SLC12A6: variants seen among roughly 807,000 people sequenced by gnomAD.
SLC12A6 encodes solute carrier family 12 member 6.
A neutral mutation model predicts 135.3 loss-of-function variants in SLC12A6; 66 were observed. That is an observed-to-expected ratio of 0.49 (90% CI 0.40 to 0.60). SLC12A6 has a LOEUF of 0.60. Ranked by LOEUF, SLC12A6 falls within the 20% of genes least tolerant of loss-of-function variation. The pLI is 0.00. For synonymous variants in SLC12A6, 513 were observed against 508.8 expected (o/e 1.01, Z -0.11); for missense variants, 1,058 against 1,452.3 (o/e 0.73, Z 4.41).
chr15:34,304,634 A>AC (rs1896477751), intron 2 of SLC12A6, among the ~76,000 whole-genome samples: 1 of 152,186 alleles, frequency 6.6e-6, no homozygotes, highest in Admixed American at 6.5e-5. Flanking sequence ...TTCTTTAATA[A>AC]CTAATGATGT....
rs760479313 is a variant in SLC12A6 at position 34,257,787 on chromosome 15, G to A, written c.545C>T (p.Thr182Ile). ...ACCCATGAAGGTACCCATTTGGGGG[G>A]TCTAGAAAGAAAGACATTGATAAAA... ...ITEGKKKPTK[T>I]PQMGTFMGVY... is the part of the protein sequence containing the mutation. The change falls in exon 6 of 26, where the codon ACC becomes ATC. Residue 182 changes from threonine to isoleucine, a missense_variant and splice_region_variant. Physicochemically the swap from Thr to Ile is moderately conservative, Grantham distance 89 (BLOSUM62 -1). Transcript: ENST00000354181. 4 of 1,600,624 alleles carry A rather than the reference G, an allele frequency of 2.5e-6. No homozygotes were observed. In the Admixed American group the frequency reaches 5.0e-5, roughly 20 times the overall value.
At chr15:34,326,971 C>T (rs1889510673) in intron 2 of SLC12A6, among the ~76,000 whole-genome samples, 1 of 143,870 alleles carries the variant, frequency 7.0e-6, no homozygotes, top group South Asian at 2.2e-4. Context: ...TATTAGCATA[C>T]CAGAGAAAAT....
At chr15:34,305,759 ATTTT>A (rs1161853179) in intron 2 of SLC12A6, among the ~76,000 whole-genome samples, 2 of 139,338 alleles carry the variant, frequency 1.4e-5, no homozygotes, top group Non-Finnish European at 1.6e-5. Context: ...CTCCTCCAGC[ATTTT>A]TTTTTTTTTT....
At chr15:34,251,719 T>G (rs986226612) in intron 10 of SLC12A6, among the ~76,000 whole-genome samples, 1 of 152,224 alleles carries the variant, frequency 6.6e-6, no homozygotes, top group African/African-American at 2.4e-5. Context: ...AACACCTTAA[T>G]GTAAACTTAC....
chr15:34,272,594 G>C (rs948171122), intron 3 of SLC12A6, among the ~76,000 whole-genome samples: 16 of 152,198 alleles, frequency 1.1e-4, no homozygotes, highest in African/African-American at 3.1e-4. Context: ...GCTAAAAATT[G>C]AATGCAACTG....
chr15:34,315,766 A>G (rs1888601818), intron 2 of SLC12A6, among the ~76,000 whole-genome samples: 1 of 152,072 alleles, frequency 6.6e-6, no homozygotes, highest in Non-Finnish European at 1.5e-5. Flanking sequence ...CGGGCGGATC[A>G]CGAAGTCAGG....
intron 2 of SLC12A6, among the ~76,000 whole-genome samples, chr15:34,326,858 C>CTTTTTTTTTTTTTTTTTTTTTTTTTTTTT (rs397963192): frequency 1.4e-5 from 1 of 72,182 alleles, no homozygotes; most frequent in Non-Finnish European, 2.3e-5. Flanking sequence ...CAACTGGCTG[C>CTTTTTTTTTTTTTTTTTTTTTTTTTTTTT]TTTTTTTTTT....
At chr15:34,334,178 G>T (rs1013632539) in intron 2 of SLC12A6, among the ~76,000 whole-genome samples, 2 of 152,072 alleles carry the variant, frequency 1.3e-5, no homozygotes, top group Admixed American at 6.6e-5. Context: ...TTTCTCTACA[G>T]GAAGAAACGT....
chr15:34,261,056 C>G (rs374343488), intron 3 of SLC12A6, 36 bp from the exon 4 acceptor site: 1 of 1,085,362 alleles, frequency 9.2e-7, no homozygotes, highest in Non-Finnish European at 1.4e-6. Flanking sequence ...TAGTTTCTCA[C>G]TGGTTTCTGA....
At chr15:34,288,979 T>C (rs946126659) in intron 2 of SLC12A6, among the ~76,000 whole-genome samples, 22 of 152,174 alleles carry the variant, frequency 1.4e-4, no homozygotes, top group African/African-American at 4.6e-4. Context: ...CCCTTATTGC[T>C]TTCTCTTGCC....
chr15:34,334,569 G>GA, intron 2 of SLC12A6, among the ~76,000 whole-genome samples: 1 of 149,624 alleles, frequency 6.7e-6, no homozygotes, highest in South Asian at 2.1e-4. Context: ...AATATAGAAA[G>GA]AAAAAAAAAG....
intron 2 of SLC12A6, among the ~76,000 whole-genome samples, chr15:34,334,854 T>A (rs1339461295): frequency 1.3e-5 from 2 of 152,154 alleles, no homozygotes; most frequent in African/African-American, 2.4e-5. Context: ...AAAGAATGCT[T>A]AAGGGTAACG....
chr15:34,236,252 C>A, intron 23 of SLC12A6, 53 bp from the exon 24 acceptor site: 1 of 1,361,632 alleles, frequency 7.3e-7, no homozygotes. Context: ...TCTTATGCTT[C>A]ATCTTTGGTT....
intron 13 of SLC12A6, among the ~76,000 whole-genome samples, chr15:34,247,160 G>T (rs1411867459): frequency 6.6e-6 from 1 of 152,082 alleles, no homozygotes; most frequent in Non-Finnish European, 1.5e-5. Flanking sequence ...TAATTTGATG[G>T]GTGAAACATA....
intron 2 of SLC12A6, among the ~76,000 whole-genome samples, chr15:34,334,432 A>G (rs904951478): frequency 6.6e-6 from 1 of 152,222 alleles, no homozygotes; most frequent in Non-Finnish European, 1.5e-5. Context: ...GAAGATCTAC[A>G]TCTAAATCTA....
intron 2 of SLC12A6, among the ~76,000 whole-genome samples, chr15:34,300,613 T>G (rs942592050): frequency 6.6e-6 from 1 of 151,840 alleles, no homozygotes. Context: ...CATAGAAGAC[T>G]CTGTCTCCAC....
At position 34,283,641 on chromosome 15, in the gene SLC12A6, GT is replaced by G. The variant is rs569393735; in HGVS notation, c.272-8253del. ...GCTAAAGCATAGTGAGTAACAAAGT[GT>G]TTTTTTTTTAAAGAGGGTAAATTAG... On this transcript the variant is annotated intron_variant, in intron 2 of 25. Transcript: ENST00000354181. Among the ~76,000 whole-genome samples the G allele has an allele frequency of 7.0e-3, 1,039 of 148,022 alleles. 12 individuals are homozygous for G. The highest frequency in any genetic ancestry group is 0.05 in the South Asian group (233 of 4,642).
chr15:34,258,087 TTG>T (rs1892876466), intron 5 of SLC12A6, among the ~76,000 whole-genome samples: 1 of 152,252 alleles, frequency 6.6e-6, no homozygotes. Context: ...ATTTAAAATT[TTG>T]TTTTTCAAAG....
chr15:34,320,621 T>A (rs369125567), intron 2 of SLC12A6, among the ~76,000 whole-genome samples: 70 of 143,244 alleles, frequency 4.9e-4, no homozygotes, highest in African/African-American at 1.7e-3. Context: ...TTTTTTTTTT[T>A]AAAGAAAAAG....
Sources: gnomAD v4.1 joint callset for allele counts (sites outside exome capture counted in the v4.1 genomes callset) on GRCh38, gnomAD v4.1.1 for gene constraint, MANE v1.5 for transcripts, NCBI Gene and HGNC (gene_info 2026-07-23, HGNC 2026-07-21) for gene names.